Variants in ERCC2 observed in about 807,000 individuals in gnomAD.
ERCC2 encodes general transcription and DNA repair factor IIH helicase subunit XPD.
A neutral mutation model predicts 99.4 loss-of-function variants in ERCC2; 90 were observed. The observed-to-expected ratio is 0.91, with a 90% confidence interval of 0.76 to 1.08. The LOEUF (loss-of-function observed/expected upper bound fraction) is 1.08. ERCC2 is among the 50% of genes least tolerant of loss of function. The pLI is 0.00. For missense variants in ERCC2, 993 were observed against 1,038.1 expected (o/e 0.96, Z 0.60); for synonymous variants, 497 against 432.4 (o/e 1.15, Z -1.85).
chr19:45,358,420 G>A, intron 12 of ERCC2: 1 of 214,898 alleles, frequency 4.7e-6, no homozygotes, highest in Non-Finnish European at 9.4e-6. Context: ...CGCGGGGCCA[G>A]CCACCATCAC....
In ERCC2 at chr19:45,351,481, G is replaced by C; in HGVS notation, c.*148C>G. On this transcript the variant is annotated 3_prime_UTR_variant, in exon 23 of 23. Transcript: ENST00000391945. The stretch of plus-strand genomic sequence containing the variant: ...GCCTCTGGGTACCTGGTGGATAGCT[G>C]CCTTCTCCTGCGATTAAAGGCTGTG... 6.3e-7 allele frequency: 1 copy of C among 1,587,354 alleles called. No individual in the cohort carries two copies. The highest frequency in any genetic ancestry group is 8.5e-7 in the Non-Finnish European group (1 of 1,171,100).
At chr19:45,370,086 GCAGCCCCACCGGTCGAGTGGGCGGGT>G (rs764085514) in intron 2 of ERCC2, 21 bp downstream of exon 2, 2 of 1,592,798 alleles carry the variant, frequency 1.3e-6, no homozygotes, top group Non-Finnish European at 1.7e-6. Flanking sequence ...CCCAGGCGTG[GCAGCCCCACCGGTCGAGTGGGCGGGT>G]CGGGCCCACC....
In ERCC2 at chr19:45,352,825, C is replaced by T. The variant is rs756607008; in HGVS notation, c.1832-9G>A. The T allele has an allele frequency of 6.8e-6, 11 of 1,612,784 alleles. No individual in the cohort carries two copies. The highest frequency in any genetic ancestry group is 2.2e-5 in the East Asian group (1 of 44,818). Reference sequence around the variant, plus strand: ...CCGCCCGTAGTGGTGCACTGGTGGGCAGAGGAGAGGGGGCGAGGGGGGTTA... The same window carrying T: ...CCGCCCGTAGTGGTGCACTGGTGGGTAGAGGAGAGGGGGCGAGGGGGGTTA... On this transcript the variant is annotated splice_polypyrimidine_tract_variant and intron_variant, in intron 19 of 22. Transcript: ENST00000391945.
chr19:45,364,206 G>A (rs556697014), intron 9 of ERCC2, 29 bp downstream of exon 9: 1 of 1,611,748 alleles, frequency 6.2e-7, no homozygotes, highest in African/African-American at 1.3e-5. Context: ...GGCAGGGCGG[G>A]CACCACCGCC....
At position 45,351,398 on chromosome 19, in the gene ERCC2, T is replaced by TGCA; in HGVS notation, c.*228_*230dup. 6.2e-7 allele frequency: 1 copy of TGCA among 1,603,244 alleles called. No individual in the cohort carries two copies. The highest frequency in any genetic ancestry group is 1.3e-5 in the African/African-American group (1 of 74,954). ...GCTGGCCGCAGCTTCTTGGGAACAG[T>TGCA]GCAGGAGGGATGGGCTGGTGGGGTG... On this transcript the variant is annotated 3_prime_UTR_variant, in exon 23 of 23. Transcript: ENST00000391945.
At chr19:45,370,296 C>A in intron 1 of ERCC2, 64 bp from the exon 2 acceptor site, 1 of 1,588,234 alleles carries the variant, frequency 6.3e-7, no homozygotes, top group East Asian at 2.3e-5. Context: ...TCCACAGTGC[C>A]CGGTCGTCGA....
Position 45,351,032 on chromosome 19 carries a change from T to G in ERCC2, c.*597A>C. 6.2e-7 allele frequency: 1 copy of G among 1,613,980 alleles called. No individual in the cohort carries two copies. Among genetic ancestry groups the G allele is most frequent in the Non-Finnish European group, 8.5e-7 (1 of 1,179,918 alleles). ...CTGGGACTCAGGTGAGGGGGACATC[T>G]GGGTCAAAAATAGAGGAGGCCATGT... On this transcript the variant is annotated 3_prime_UTR_variant, in exon 23 of 23. Transcript: ENST00000391945.
chr19:45,349,903 C>A lies in ERCC2; in HGVS notation c.*1726G>T. The A allele has an allele frequency of 2.2e-6, 1 of 457,150 alleles. No homozygotes were observed. Among genetic ancestry groups the A allele is most frequent in the South Asian group, 3.3e-5 (1 of 29,988 alleles). The allele number at this position is 457,150 out of a possible 1,614,324, so 28.3% of individuals were successfully genotyped here. The stretch of plus-strand genomic sequence containing the variant: ...CCCTCTTAGCCCGGTCCCCACATCG[C>A]TAGTTCTTATAGCGTCCCTATGAGG... On this transcript the variant is annotated 3_prime_UTR_variant, in exon 23 of 23. Transcript: ENST00000391945.
chr19:45,350,618 C>T lies in ERCC2; in HGVS notation c.*1011G>A. On this transcript the variant is annotated 3_prime_UTR_variant, in exon 23 of 23. Transcript: ENST00000391945. ...GACTGCATGGGCCTGGGGGACTGAG[C>T]AGCATCCCCGGCCCCTCCCCAGGCC... 1 of 1,613,012 alleles carries T rather than the reference C, an allele frequency of 6.2e-7. No homozygotes were observed. The highest frequency in any genetic ancestry group is 8.5e-7 in the Non-Finnish European group (1 of 1,179,156).
rs1405713948 is a variant in ERCC2, at chr19:45,363,783, C to G, written c.1078G>C (p.Gly360Arg). ...VQESPPAFLS[G>R]LAQRVCIQRK... ...TGGATGCACACGCGCTGGGCCAGGC[C>G]GCTCAGGAAGGCGGGCGGGCTCTCC... is the stretch of plus-strand genomic sequence containing the variant. Residue 360 changes from glycine (G) to arginine (R), a missense_variant, in exon 11 of 23, where the codon GGC (glycine) becomes CGC (arginine). Physicochemically the swap from Gly to Arg is moderately radical, Grantham distance 125. Transcript: ENST00000391945. 6.5e-7 allele frequency: 1 copy of G among 1,538,458 alleles called. No individual in the cohort carries two copies. The highest frequency in any genetic ancestry group is 1.9e-5 in the Admixed American group (1 of 51,400).
In ERCC2 at chr19:45,350,806, CACCCCCA is replaced by C. The variant is rs1568528274; in HGVS notation, c.*816_*822del. 2.9e-5 allele frequency: 39 copies of C among 1,349,704 alleles called. No homozygotes were observed. The highest frequency in any genetic ancestry group is 5.1e-5 in the South Asian group (4 of 78,752). 83.6% of individuals were successfully genotyped at this position (1,349,704 alleles called of 1,614,324 possible). On this transcript the variant is annotated 3_prime_UTR_variant, in exon 23 of 23. Transcript: ENST00000391945. ...CATCAGCAGAATCCACAGCCCACCC[CACCCCCA>C]CCCCCATCTTGCTCAAGAACCTTCC...
At position 45,360,381 on chromosome 19, in the gene ERCC2, C is replaced by CT. The variant is rs57458623; in HGVS notation, c.1237+1142dup. ...ACAGGCGTAAACCACCACGCCCGGC[C>CT]TTTTTTTTTTTTTTGAGACGAAGTC... On this transcript the variant is annotated intron_variant, in intron 12 of 22. Coordinates refer to ENST00000391945, the MANE Select transcript of ERCC2 (RefSeq NM_000400.4). 6.6e-3 allele frequency among the ~76,000 whole-genome samples: 889 copies of CT among 134,588 alleles called. 7 individuals are homozygous for CT. The highest frequency in any genetic ancestry group is 8.7e-3 in the African/African-American group (308 of 35,208). 88.3% of individuals were successfully genotyped at this position (134,588 alleles called of 152,430 possible).
Position 45,350,720 on chromosome 19 carries a change from G to A in ERCC2, c.*909C>T, listed in dbSNP as rs199586485. Reference sequence around the variant, plus strand: ...AGTGAGAAGCTGGTCTCCCGGCTCCGAGGCGAGGCGGCGGCAGGAGCAGCC... The same window carrying A: ...AGTGAGAAGCTGGTCTCCCGGCTCCAAGGCGAGGCGGCGGCAGGAGCAGCC... On this transcript the variant is annotated 3_prime_UTR_variant, in exon 23 of 23. Transcript: ENST00000391945. The A allele has an allele frequency of 5.3e-5, 85 of 1,612,974 alleles. No homozygotes were observed. The highest frequency in any genetic ancestry group is 2.0e-4 in the African/African-American group (15 of 74,860).
chr19:45,353,398 T>A, intron 17 of ERCC2, 64 bp from the exon 18 acceptor site: 1 of 1,078,590 alleles, frequency 9.3e-7, no homozygotes, highest in Non-Finnish European at 1.4e-6. Context: ...TACATCCAAC[T>A]CTTCTGGGGA....
chr19:45,351,262 A>C lies in ERCC2; in HGVS notation c.*367T>G, dbSNP rs1971756978. 2 of 1,609,698 alleles carry C rather than the reference A, an allele frequency of 1.2e-6. No individual in the cohort carries two copies. Among genetic ancestry groups the C allele is most frequent in the East Asian group, 2.2e-5 (1 of 44,854 alleles). On this transcript the variant is annotated 3_prime_UTR_variant, in exon 23 of 23. Coordinates refer to ENST00000391945, the MANE Select transcript of ERCC2 (RefSeq NM_000400.4). ...ACACTTGCCCCTCACCTCCCCTCCA[A>C]CCATCCCCTGTGCCTGTCTCCAGTT...
At position 45,361,666 on chromosome 19, in the gene ERCC2, C is replaced by CG. The variant is rs56170134; in HGVS notation, c.1119-25dup. 4,538 of 1,547,836 alleles carry CG rather than the reference C, an allele frequency of 2.9e-3. 100 individuals are homozygous for CG. The African/African-American group carries it at 0.051, about 17-fold the overall frequency. ...ATCTGGCGGGGAGGAGAGACGGGGT[C>CG]GGGGGGCAGACGGAAGCATGAGCAG... On this transcript the variant is annotated intron_variant, in intron 11 of 22. Transcript: ENST00000391945.
In ERCC2 at chr19:45,350,789, G is replaced by T; in HGVS notation, c.*840C>A. On this transcript the variant is annotated 3_prime_UTR_variant, in exon 23 of 23. Transcript: ENST00000391945. ...TCGGCAAAGAGCCCTGACATCAGCA[G>T]AATCCACAGCCCACCCCACCCCCAC... 2 of 1,549,792 alleles carry T rather than the reference G, an allele frequency of 1.3e-6. No individual in the cohort carries two copies. The highest frequency in any genetic ancestry group is 8.8e-7 in the Non-Finnish European group (1 of 1,135,746).
chr19:45,357,326 G>A lies in ERCC2; in HGVS notation c.1423C>T (p.Pro475Ser), dbSNP rs779588231. 6.2e-7 allele frequency: 1 copy of A among 1,614,160 alleles called. No individual in the cohort carries two copies. The highest frequency in any genetic ancestry group is 2.2e-5 in the East Asian group (1 of 44,880). ...ATGGTGAAGGTTGCCATGGTGACGG[G>A]GTGGAAGTCCAGGATCTTGGGGTAG... ...DIYPKILDFH[P>S]VTMATFTMTL... The change falls in exon 15 of 23, where the codon CCC becomes TCC. Residue 475 changes from proline (P) to serine (S), a missense_variant. By Grantham distance (74) the Pro-to-Ser change is moderately conservative. This residue lies in a region of ERCC2 where 909 missense variants were observed against 930.8 expected (regional missense o/e 0.98). Transcript: ENST00000391945.
In ERCC2 at chr19:45,350,730, G is replaced by GGCGGCA; in HGVS notation, c.*893_*898dup. Reference sequence around the variant, plus strand: ...TGGTCTCCCGGCTCCGAGGCGAGGCGGCGGCAGGAGCAGCCGGGTGAGTGT... The same window carrying GGCGGCA: ...TGGTCTCCCGGCTCCGAGGCGAGGCGGCGGCAGCGGCAGGAGCAGCCGGGTGAGTGT... On this transcript the variant is annotated 3_prime_UTR_variant, in exon 23 of 23. Transcript: ENST00000391945. The GGCGGCA allele has an allele frequency of 6.2e-7, 1 of 1,612,414 alleles. No homozygotes were observed. The highest frequency in any genetic ancestry group is 8.5e-7 in the Non-Finnish European group (1 of 1,179,508).
Sources: allele counts gnomAD v4.1 joint callset (sites outside exome capture counted in the v4.1 genomes callset), GRCh38; gene constraint gnomAD v4.1.1; regional missense constraint gnomAD v4.1.1; transcripts MANE v1.5; gene names NCBI Gene and HGNC (gene_info 2026-07-23, HGNC 2026-07-21).